RASGRF2: variants seen among roughly 807,000 people sequenced by gnomAD.
RASGRF2 encodes Ras protein specific guanine nucleotide releasing factor 2, also known as ras-specific guanine nucleotide-releasing factor 2.
In RASGRF2, 76 loss-of-function variants were observed where a neutral mutation model predicts 151.0. That is an observed-to-expected ratio of 0.50 (90% CI 0.42 to 0.61). The LOEUF (loss-of-function observed/expected upper bound fraction) is 0.61, where lower values mean the gene tolerates loss of function less well. Ranked by LOEUF, RASGRF2 falls within the 20% of genes least tolerant of loss-of-function variation. The pLI is 0.00. For missense variants in RASGRF2, 1,148 were observed against 1,564.6 expected (o/e 0.73, Z 4.49); for synonymous variants, 504 against 566.5 (o/e 0.89, Z 1.57).
At chr5:81,110,450 A>C (rs887092485) in intron 13 of RASGRF2, among the ~76,000 whole-genome samples, 7 of 152,210 alleles carry the variant, frequency 4.6e-5, no homozygotes, top group Admixed American at 3.9e-4. Context: ...AAATGTAATC[A>C]CGATTTTGAA....
chr5:81,220,095 C>T (rs1055641218), intron 26 of RASGRF2, among the ~76,000 whole-genome samples: 44 of 152,122 alleles, frequency 2.9e-4, no homozygotes, highest in African/African-American at 1.0e-3. Context: ...AAAATTCATT[C>T]TACAAATTAC....
In RASGRF2 at chr5:81,113,769, C is replaced by T. The variant is rs754919754; in HGVS notation, c.2319C>T (p.Pro773=). ...SSSPTTTTQS[P]AASPPPHTGQ... ...GTCCCACCACCACCACCCAGAGTCC[C>T]GCTGCGTCTCCACCACCACACACTG... Residue 773 remains proline, a synonymous_variant, in exon 15 of 27, where the codon CCC becomes CCT. Transcript: ENST00000265080. 64 of 1,614,100 alleles carry T rather than the reference C, an allele frequency of 4.0e-5. No homozygotes were observed. Among genetic ancestry groups the T allele is most frequent in the Non-Finnish European group, 5.1e-5 (60 of 1,180,024 alleles).
At position 81,046,570 on chromosome 5, in the gene RASGRF2, T is replaced by A. The variant is rs138742367; in HGVS notation, c.395+3587T>A. 7.2e-5 allele frequency among the ~76,000 whole-genome samples: 11 copies of A among 152,252 alleles called. No individual in the cohort carries two copies. The East Asian group carries it at 2.1e-3, about 29-fold the overall frequency. Reference sequence around the variant, plus strand: ...AGGGGACGCTGCTACCGAGACCCAGTCTTGTTTTTGTCTGGTTGAGTTGAG... The same window carrying A: ...AGGGGACGCTGCTACCGAGACCCAGACTTGTTTTTGTCTGGTTGAGTTGAG... On this transcript the variant is annotated intron_variant, in intron 2 of 26. Transcript: ENST00000265080.
Position 81,149,441 on chromosome 5 carries a change from C to T in RASGRF2, c.2686+22278C>T, listed in dbSNP as rs372081721. On this transcript the variant is annotated intron_variant, in intron 17 of 26. Coordinates refer to ENST00000265080, the MANE Select transcript of RASGRF2 (RefSeq NM_006909.3). ...GAGCCAAGCCATGAGGATGCAAAGG[C>T]ATAAGAATGACACAATGGACTTTGG... is the stretch of plus-strand genomic sequence containing the variant. 2.0e-5 allele frequency among the ~76,000 whole-genome samples: 3 copies of T among 149,444 alleles called. 1 individual carries two copies. Among genetic ancestry groups the T allele is most frequent in the African/African-American group, 7.3e-5 (3 of 40,910 alleles).
Position 81,225,757 on chromosome 5 carries a change from G to A in RASGRF2, c.3701G>A (p.Arg1234Gln), listed in dbSNP as rs757826592. 6.2e-6 allele frequency: 10 copies of A among 1,611,710 alleles called. No homozygotes were observed. Among genetic ancestry groups the A allele is most frequent in the Admixed American group, 5.1e-5 (3 of 59,348 alleles). The change falls in exon 27 of 27, where the codon CGA becomes CAA. Residue 1234 changes from arginine to glutamine, a missense_variant. By Grantham distance (43) the Arg-to-Gln change is conservative. Transcript: ENST00000265080. ...GAGCTGTCACTAAAAATTGAACCTC[G>A]ACTCCCTGCTTGAAGATCTGGCCTT... Reference protein sequence around the residue: ...LYELSLKIEPRLPA With the variant: ...LYELSLKIEPQLPA
chr5:81,013,365 T>A (rs186580358), intron 1 of RASGRF2, among the ~76,000 whole-genome samples: 5 of 152,310 alleles, frequency 3.3e-5, no homozygotes, highest in African/African-American at 4.8e-5. Context: ...CTCCCTTAAT[T>A]TCTGTTACTC....
chr5:81,177,523 T>C (rs1754802968), intron 17 of RASGRF2, among the ~76,000 whole-genome samples: 1 of 151,800 alleles, frequency 6.6e-6, no homozygotes, highest in Admixed American at 6.6e-5. Flanking sequence ...AAGTTCATAC[T>C]ATGTAGGCTT....
At chr5:81,139,484 CCAGATAGCTAGGATTACAGG>C (rs1394545219) in intron 17 of RASGRF2, among the ~76,000 whole-genome samples, 3 of 150,014 alleles carry the variant, frequency 2.0e-5, no homozygotes. Flanking sequence ...CCTCAGTCTT[CCAGATAGCTAGGATTACAGG>C]CAGCTGCCAC....
intron 4 of RASGRF2, 75 bp downstream of exon 4, chr5:81,070,656 C>T (rs148617596): frequency 2.3e-6 from 3 of 1,319,922 alleles, no homozygotes; most frequent in Non-Finnish European, 3.2e-6. Flanking sequence ...TCTTTGCCAC[C>T]CTGTGCGTGA....
chr5:81,125,934 A>C (rs933600453), intron 16 of RASGRF2, among the ~76,000 whole-genome samples: 2 of 152,276 alleles, frequency 1.3e-5, no homozygotes, highest in African/African-American at 4.8e-5. Flanking sequence ...TTGCCTGTGC[A>C]TCTGTCTACT....
At chr5:81,163,345 C>A (rs184341615) in intron 17 of RASGRF2, among the ~76,000 whole-genome samples, 1 of 152,196 alleles carries the variant, frequency 6.6e-6, no homozygotes, top group Non-Finnish European at 1.5e-5. Context: ...CAGAGAGGAA[C>A]GCTTCTCTGT....
intron 21 of RASGRF2, 23 bp downstream of exon 21, chr5:81,207,372 G>T (rs372446073): frequency 9.4e-5 from 149 of 1,585,656 alleles, no homozygotes; most frequent in Non-Finnish European, 1.2e-4. Context: ...CCCCACAGCA[G>T]CAGGGCTCGG....
chr5:81,061,389 T>C (rs1186304746), intron 2 of RASGRF2, among the ~76,000 whole-genome samples: 1 of 152,230 alleles, frequency 6.6e-6, no homozygotes, highest in Non-Finnish European at 1.5e-5. Flanking sequence ...CTACAATGAC[T>C]CACTTCAGTG....
At chr5:81,126,269 A>G (rs1165349418) in intron 16 of RASGRF2, among the ~76,000 whole-genome samples, 1 of 152,202 alleles carries the variant, frequency 6.6e-6, no homozygotes, top group Non-Finnish European at 1.5e-5. Flanking sequence ...AAAGGGCCAC[A>G]CTTAAACCAT....
chr5:80,975,731 A>T (rs1191910593), intron 1 of RASGRF2, among the ~76,000 whole-genome samples: 1 of 152,102 alleles, frequency 6.6e-6, no homozygotes, highest in African/African-American at 2.4e-5. Context: ...TGTGAGTCCC[A>T]TTTATTCCTT....
At chr5:81,017,081 G>A (rs1440291339) in intron 1 of RASGRF2, among the ~76,000 whole-genome samples, 1 of 152,126 alleles carries the variant, frequency 6.6e-6, no homozygotes, top group Non-Finnish European at 1.5e-5. Context: ...ATTTATCTGA[G>A]GCAAGAAGGG....
intron 17 of RASGRF2, among the ~76,000 whole-genome samples, chr5:81,143,916 T>A: frequency 6.6e-6 from 1 of 151,308 alleles, no homozygotes; most frequent in African/African-American, 2.4e-5. Context: ...ACTAAAAAAA[T>A]TCTGTTTCCT....
At chr5:81,199,416 G>T (rs1160176786) in intron 18 of RASGRF2, among the ~76,000 whole-genome samples, 1 of 152,218 alleles carries the variant, frequency 6.6e-6, no homozygotes, top group East Asian at 1.9e-4. Context: ...CATCATGGGG[G>T]ATGGTAACTT....
chr5:81,040,222 T>A (rs1750637077), intron 1 of RASGRF2, among the ~76,000 whole-genome samples: 1 of 152,028 alleles, frequency 6.6e-6, no homozygotes, highest in Non-Finnish European at 1.5e-5. Flanking sequence ...TTTCCCAGGA[T>A]GATCTCAAAC....
Sources: allele counts gnomAD v4.1 joint callset (sites outside exome capture counted in the v4.1 genomes callset), GRCh38; gene constraint gnomAD v4.1.1; transcripts MANE v1.5; gene names NCBI Gene and HGNC (gene_info 2026-07-23, HGNC 2026-07-21).